The following KTN1 variants were observed in gnomAD, a reference collection of about 807,000 sequenced individuals.
The protein encoded by KTN1 is kinectin 1, also known as kinectin.
Under a neutral mutation model 222.5 loss-of-function variants are expected in KTN1, and 130 were observed. That is an observed-to-expected ratio of 0.58 (90% confidence interval 0.51 to 0.68). The LOEUF (loss-of-function observed/expected upper bound fraction) is 0.68, where lower values mean the gene tolerates loss of function less well. KTN1 is among the 30% of genes least tolerant of loss of function. KTN1 has a pLI of 0.00. For synonymous variants in KTN1, 512 were observed against 496.3 expected (o/e 1.03, Z -0.42); for missense variants, 1,508 against 1,500.4 (o/e 1.01, Z -0.08).
At chr14:55,665,508 C>T (rs1274178081) in intron 33 of KTN1, among the ~76,000 whole-genome samples, 2 of 151,912 alleles carry the variant, frequency 1.3e-5, no homozygotes, top group Non-Finnish European at 2.9e-5. Flanking sequence ...AGATAGCATA[C>T]GTGTAAAGGG....
At chr14:55,638,033 G>T (rs7156566) in intron 12 of KTN1, among the ~76,000 whole-genome samples, 186 bp downstream of exon 12, 38,255 of 151,716 alleles carry the variant, frequency 0.25, 4,890 homozygotes, top group East Asian at 0.33. Flanking sequence ...CACTAAGAAA[G>T]AAATCCATAC....
intron 1 of KTN1, among the ~76,000 whole-genome samples, chr14:55,599,387 GGTA>G (rs1355378345): frequency 2.0e-5 from 3 of 152,120 alleles, no homozygotes; most frequent in African/African-American, 7.2e-5. Context: ...ATTGGACAGA[GGTA>G]GTTTTTTTCC....
At chr14:55,636,352 C>A in intron 9 of KTN1, 97 bp from the exon 10 acceptor site, 2 of 850,040 alleles carry the variant, frequency 2.4e-6, no homozygotes, top group Non-Finnish European at 3.8e-6. Flanking sequence ...TTTTATGATA[C>A]AACAGTAAAG....
At chr14:55,674,161 T>A (rs1566851782) in intron 40 of KTN1, 2 of 152,156 alleles carry the variant, frequency 1.3e-5, no homozygotes, top group African/African-American at 4.8e-5. Context: ...TATCCTATGT[T>A]ATGGCAAACA....
intron 41 of KTN1, among the ~76,000 whole-genome samples, chr14:55,676,202 C>A (rs991909230): frequency 6.6e-6 from 1 of 152,024 alleles, no homozygotes; most frequent in Non-Finnish European, 1.5e-5. Flanking sequence ...TTGGCTGCAT[C>A]CATATATTTT....
At chr14:55,586,158 G>A (rs2032945996) in intron 1 of KTN1, among the ~76,000 whole-genome samples, 1 of 152,292 alleles carries the variant, frequency 6.6e-6, no homozygotes, top group East Asian at 1.9e-4. Context: ...AAGGTTTTAT[G>A]CAAGTTCTTT....
intron 1 of KTN1, among the ~76,000 whole-genome samples, chr14:55,584,086 A>G (rs1425900646): frequency 1.3e-5 from 2 of 152,132 alleles, no homozygotes; most frequent in Non-Finnish European, 2.9e-5. Flanking sequence ...TTCCAACACA[A>G]CAACTGGATC....
chr14:55,594,499 T>TG (rs1036336754), intron 1 of KTN1, among the ~76,000 whole-genome samples: 1 of 135,978 alleles, frequency 7.4e-6, no homozygotes, highest in African/African-American at 2.8e-5. Context: ...CAGAGTAGAG[T>TG]TTTTTTTTTT....
chr14:55,671,459 C>A, intron 35 of KTN1, 107 bp from the exon 36 acceptor site: 1 of 714,564 alleles, frequency 1.4e-6, no homozygotes, highest in Non-Finnish European at 2.3e-6. Context: ...CCTTATAAAA[C>A]ACTTTGAAAC....
At chr14:55,634,137 A>G (rs1000836800) in intron 8 of KTN1, among the ~76,000 whole-genome samples, 1 of 152,156 alleles carries the variant, frequency 6.6e-6, no homozygotes, top group Non-Finnish European at 1.5e-5. Flanking sequence ...CCGTCTCAAA[A>G]AAAAAAGACA....
In KTN1 at chr14:55,684,381, T is replaced by A. The variant is rs764597568; in HGVS notation, c.*278T>A. On this transcript the variant is annotated 3_prime_UTR_variant, in exon 44 of 44. Coordinates refer to ENST00000395314, the MANE Select transcript of KTN1 (RefSeq NM_001079521.2). ...CATGTAATCTTTTATCTTATTTTGC[T>A]CAATAAAATTGTTCAGAAGATCAAA... is the stretch of plus-strand genomic sequence containing the variant. The A allele has an allele frequency of 1.8e-3, 559 of 316,082 alleles. 10 individuals are homozygous for A. The highest frequency in any genetic ancestry group is 6.5e-4 in the Admixed American group (13 of 20,116). 19.6% of individuals were successfully genotyped at this position (316,082 alleles called of 1,614,324 possible).
intron 4 of KTN1, among the ~76,000 whole-genome samples, chr14:55,618,356 G>A (rs879351274): frequency 3.3e-5 from 5 of 152,054 alleles, no homozygotes; most frequent in African/African-American, 9.7e-5. Flanking sequence ...TTTGCTATCT[G>A]ATGATTATTT....
chr14:55,663,558 G>C (rs2044372187), intron 32 of KTN1: 1 of 170,696 alleles, frequency 5.9e-6, no homozygotes, highest in African/African-American at 2.4e-5. Flanking sequence ...AGTGTTATTG[G>C]GCCTCGTTTA....
In KTN1 at chr14:55,672,252, C is replaced by A. The variant is rs1269217416; in HGVS notation, c.3531+375C>A. 1.3e-5 allele frequency: 3 copies of A among 225,988 alleles called. No individual in the cohort carries two copies. In the East Asian group the frequency reaches 3.2e-4, roughly 24 times the overall value. 14.0% of individuals were successfully genotyped at this position (225,988 alleles called of 1,614,324 possible). A position where few individuals can be genotyped will look rare whatever the true frequency, so the allele number is the denominator to read the frequency against. On this transcript the variant is annotated intron_variant, in intron 37 of 43. Transcript: ENST00000395314. ...TGGGACCTGAATGTTATTTTGCAACCTTAATTTTTCTCCCTTTTACTTCAG... is the reference window on the plus strand; with the variant it reads ...TGGGACCTGAATGTTATTTTGCAACATTAATTTTTCTCCCTTTTACTTCAG...
rs936193294 is a variant in KTN1, at chr14:55,597,382, T to C, written c.-30-14637T>C. The stretch of plus-strand genomic sequence containing the variant: ...TAAAGCAAATGCCTCTTAATTTCAG[T>C]GAATCAGAATGAACATTTCTTAAGT... On this transcript the variant is annotated intron_variant, in intron 1 of 43. Transcript: ENST00000395314. 5.3e-5 allele frequency among the ~76,000 whole-genome samples: 8 copies of C among 152,352 alleles called. No individual in the cohort carries two copies. The South Asian group carries it at 1.7e-3, about 32-fold the overall frequency.
intron 30 of KTN1, among the ~76,000 whole-genome samples, chr14:55,659,217 G>A (rs1443488716): frequency 1.3e-5 from 2 of 151,924 alleles, no homozygotes; most frequent in East Asian, 1.9e-4. Context: ...TACCATATAT[G>A]AAGGGCTGTG....
intron 1 of KTN1, among the ~76,000 whole-genome samples, chr14:55,580,952 G>C (rs1427548214): frequency 6.6e-6 from 1 of 152,360 alleles, no homozygotes; most frequent in East Asian, 1.9e-4. Context: ...GGTCAGGGCG[G>C]GAGGCGGTTG....
At chr14:55,655,643 A>G (rs1244093423) in intron 28 of KTN1, among the ~76,000 whole-genome samples, 1 of 152,172 alleles carries the variant, frequency 6.6e-6, no homozygotes, top group Non-Finnish European at 1.5e-5. Flanking sequence ...TAAGGGAAAA[A>G]CAGATTAAAT....
intron 5 of KTN1, among the ~76,000 whole-genome samples, chr14:55,620,360 C>T (rs1432681581): frequency 1.3e-5 from 2 of 152,188 alleles, no homozygotes; most frequent in Admixed American, 6.5e-5. Flanking sequence ...TGGCCCTCTT[C>T]TCACAGCTCC....
Sources: allele counts gnomAD v4.1 joint callset (sites outside exome capture counted in the v4.1 genomes callset), GRCh38; gene constraint gnomAD v4.1.1; transcripts MANE v1.5; gene names NCBI Gene and HGNC (gene_info 2026-07-23, HGNC 2026-07-21).